Variants in ARHGAP6 observed in about 807,000 individuals in gnomAD.
The protein encoded by ARHGAP6 is Rho GTPase activating protein 6.
In ARHGAP6, 16 loss-of-function variants were observed where a neutral mutation model predicts 55.7. That is an observed-to-expected ratio of 0.29 (90% CI 0.19 to 0.44). The LOEUF is 0.44. Ranked by LOEUF, ARHGAP6 falls within the 20% of genes least tolerant of loss-of-function variation. ARHGAP6 has a pLI of 1.00. For missense variants in ARHGAP6, 698 were observed against 808.9 expected (o/e 0.86, Z 1.66); for synonymous variants, 382 against 360.9 (o/e 1.06, Z -0.66).
chrX:11,433,622 T>G (rs2049960770), intron 1 of ARHGAP6, among the ~76,000 whole-genome samples: 1 of 112,498 alleles, frequency 8.9e-6, no homozygotes, highest in Non-Finnish European at 1.9e-5. Context: ...ATAATCTCCT[T>G]TCTTCTGCAC....
chrX:11,298,211 G>C (rs762554859), intron 1 of ARHGAP6: 14 of 1,210,464 alleles, frequency 1.2e-5, no homozygotes, highest in Non-Finnish European at 1.6e-5. Context: ...AAATCAAATG[G>C]GTTCTAATAT....
chrX:11,255,065 A>G (rs1258974183), intron 1 of ARHGAP6, among the ~76,000 whole-genome samples: 2 of 111,784 alleles, frequency 1.8e-5, no homozygotes, highest in Non-Finnish European at 1.9e-5. Context: ...GCCATCACAC[A>G]CATCAGATAT....
chrX:11,545,521 C>T (rs1569392509), intron 1 of ARHGAP6, among the ~76,000 whole-genome samples: 1 of 112,247 alleles, frequency 8.9e-6, no homozygotes, highest in Non-Finnish European at 1.9e-5. Flanking sequence ...CTATGACTCT[C>T]AGATCACAAA....
rs1054491422 is a variant in ARHGAP6 at position 11,447,072 on chromosome X, C to G, written c.589-192365G>C. ...TTGAATTACACCATTTCACTTGTGCCTATGGATTACATGGTTGAAGGAAAT... is the reference window on the plus strand; with the variant it reads ...TTGAATTACACCATTTCACTTGTGCGTATGGATTACATGGTTGAAGGAAAT... On this transcript the variant is annotated intron_variant, in intron 1 of 12. Coordinates refer to ENST00000337414, the MANE Select transcript of ARHGAP6 (RefSeq NM_013427.3). 3.6e-5 allele frequency among the ~76,000 whole-genome samples: 4 copies of G among 112,042 alleles called. No homozygotes were observed. In the Admixed American group the frequency reaches 3.8e-4, roughly 11 times the overall value.
intron 1 of ARHGAP6, among the ~76,000 whole-genome samples, chrX:11,336,952 C>T (rs1364231191): frequency 9.0e-6 from 1 of 110,915 alleles, no homozygotes; most frequent in Non-Finnish European, 1.9e-5. Flanking sequence ...CCCAGGGAGA[C>T]GTACACCGGG....
chrX:11,523,836 G>A (rs1381971501), intron 1 of ARHGAP6, among the ~76,000 whole-genome samples: 1 of 111,219 alleles, frequency 9.0e-6, no homozygotes, highest in African/African-American at 3.3e-5. Context: ...AAACAACCAC[G>A]GTACTCAAGG....
intron 2 of ARHGAP6, among the ~76,000 whole-genome samples, chrX:11,233,870 C>T (rs1390324086): frequency 3.6e-5 from 4 of 112,259 alleles, no homozygotes; most frequent in African/African-American, 9.7e-5. Context: ...ACATTGGATA[C>T]AAGACACACA....
intron 11 of ARHGAP6, chrX:11,143,461 A>T (rs1453919025): frequency 2.1e-5 from 13 of 617,200 alleles, no homozygotes; most frequent in Non-Finnish European, 2.1e-5. Flanking sequence ...CGCTCACTGG[A>T]GATCCTGCAG....
chrX:11,276,585 A>T (rs1007807325), intron 1 of ARHGAP6, among the ~76,000 whole-genome samples: 6 of 112,274 alleles, frequency 5.3e-5, no homozygotes, highest in Middle Eastern at 4.6e-3. Flanking sequence ...GGGAAAATTG[A>T]AAAGGGAGAA....
Position 11,201,170 on chromosome X carries a change from A to G in ARHGAP6, c.749-4174T>C, listed in dbSNP as rs780624977. Among the ~76,000 whole-genome samples, 4 of 112,513 alleles carry G rather than the reference A, an allele frequency of 3.6e-5. No homozygotes were observed. In the South Asian group the frequency reaches 1.5e-3, roughly 42 times the overall value. ...GCAGAAACGCACTAATATGAGAGTTAGTTACATTCACTGAATGGGGCTGAA... is the reference window on the plus strand; with the variant it reads ...GCAGAAACGCACTAATATGAGAGTTGGTTACATTCACTGAATGGGGCTGAA... On this transcript the variant is annotated intron_variant, in intron 2 of 12. Coordinates refer to ENST00000337414, the MANE Select transcript of ARHGAP6 (RefSeq NM_013427.3).
At chrX:11,602,812 A>G (rs1340060654) in intron 1 of ARHGAP6, among the ~76,000 whole-genome samples, 2 of 112,194 alleles carry the variant, frequency 1.8e-5, no homozygotes, top group Non-Finnish European at 3.8e-5. Context: ...ATTATCCCCA[A>G]TTGACACTGG....
At chrX:11,512,947 G>T (rs1243699708) in intron 1 of ARHGAP6, among the ~76,000 whole-genome samples, 2 of 112,052 alleles carry the variant, frequency 1.8e-5, no homozygotes, top group Non-Finnish European at 3.8e-5. Flanking sequence ...ATAGCTAACT[G>T]AAACAAAGAT....
chrX:11,479,859 G>A (rs752146973), intron 1 of ARHGAP6, among the ~76,000 whole-genome samples: 1 of 111,260 alleles, frequency 9.0e-6, no homozygotes, highest in Admixed American at 9.6e-5. Flanking sequence ...GAGAATCTAT[G>A]TACCAGTCTG....
At chrX:11,386,656 G>C (rs1335703286) in intron 1 of ARHGAP6, among the ~76,000 whole-genome samples, 2 of 111,764 alleles carry the variant, frequency 1.8e-5, no homozygotes, top group Non-Finnish European at 3.8e-5. Flanking sequence ...CAAATACACG[G>C]GTCTGAAGTT....
chrX:11,245,016 C>A (rs1465533077), intron 2 of ARHGAP6, among the ~76,000 whole-genome samples: 1 of 111,676 alleles, frequency 9.0e-6, no homozygotes, highest in Non-Finnish European at 1.9e-5. Context: ...ATGGTAAAAA[C>A]CCTGGGGTGC....
intron 1 of ARHGAP6, among the ~76,000 whole-genome samples, chrX:11,622,286 G>T (rs888970584): frequency 6.3e-5 from 7 of 111,666 alleles, no homozygotes; most frequent in African/African-American, 2.0e-4. Context: ...GAGTTTAGTT[G>T]TTCTAATATT....
In ARHGAP6 at chrX:11,138,108, AT is replaced by A. The variant is rs1335139405; in HGVS notation, c.*754del. 2 of 112,168 alleles carry A rather than the reference AT, an allele frequency of 1.8e-5. No homozygotes were observed. Among genetic ancestry groups the A allele is most frequent in the Non-Finnish European group, 3.8e-5 (2 of 53,222 alleles). The allele number at this position is 112,168 out of a possible 1,213,427, so 9.2% of individuals were successfully genotyped here. On this transcript the variant is annotated 3_prime_UTR_variant, in exon 13 of 13. Coordinates refer to ENST00000337414, the MANE Select transcript of ARHGAP6 (RefSeq NM_013427.3). ...GTAACGTGGGACGGACAACTTCTTA[AT>A]TTCTTTGTGAGGCACTGCCTTTTTC...
At chrX:11,353,277 G>T (rs145680203) in intron 1 of ARHGAP6, among the ~76,000 whole-genome samples, 1,552 of 112,016 alleles carry the variant, frequency 0.014, 25 homozygotes, top group African/African-American at 0.047. Flanking sequence ...AGGCAACAAA[G>T]AATTTCCCTC....
intron 9 of ARHGAP6, among the ~76,000 whole-genome samples, chrX:11,159,052 G>A (rs951419801): frequency 4.5e-5 from 5 of 111,923 alleles, no homozygotes; most frequent in African/African-American, 1.6e-4. Flanking sequence ...TGATGAAGGA[G>A]TTGGAGAAAA....
Sources: gnomAD v4.1 joint callset for allele counts (sites outside exome capture counted in the v4.1 genomes callset) on GRCh38, gnomAD v4.1.1 for gene constraint, MANE v1.5 for transcripts, NCBI Gene and HGNC (gene_info 2026-07-23, HGNC 2026-07-21) for gene names.